The following DNAH17 variants were observed in gnomAD, a reference collection of about 807,000 sequenced individuals.
DNAH17 encodes axonemal beta dynein heavy chain 17.
In DNAH17, 376 loss-of-function variants were observed where a neutral mutation model predicts 485.6. The observed-to-expected ratio is 0.77, with a 90% CI of 0.71 to 0.84. The LOEUF (loss-of-function observed/expected upper bound fraction) is 0.84, where lower values mean the gene tolerates loss of function less well. DNAH17 is among the 40% of genes least tolerant of loss of function. The probability of loss-of-function intolerance (pLI) is 0.00; values close to 1 mark genes in which losing one functional copy is unlikely to be tolerated. For missense variants in DNAH17, 6,370 were observed against 5,839.3 expected (o/e 1.09, Z -2.96); for synonymous variants, 3,031 against 2,405.9 (o/e 1.26, Z -7.60).
At chr17:78,559,324 A>C (rs915194586) in intron 13 of DNAH17, among the ~76,000 whole-genome samples, 2 of 152,218 alleles carry the variant, frequency 1.3e-5, no homozygotes, top group African/African-American at 4.8e-5. Flanking sequence ...ACAAGGCTAA[A>C]GCACAGCAGC....
chr17:78,430,196 C>T (rs769389096), intron 75 of DNAH17, among the ~76,000 whole-genome samples: 60 of 152,254 alleles, frequency 3.9e-4, no homozygotes, highest in Non-Finnish European at 7.6e-4. Flanking sequence ...CCTCTTTCTC[C>T]TGCACAGCGC....
At chr17:78,532,135 T>C (rs1379329584) in intron 20 of DNAH17, among the ~76,000 whole-genome samples, 3 of 152,188 alleles carry the variant, frequency 2.0e-5, no homozygotes, top group African/African-American at 7.2e-5. Flanking sequence ...TAGAGCCTGC[T>C]GAAATTATTC....
chr17:78,494,110 C>A lies in DNAH17; in HGVS notation c.6334G>T (p.Val2112Leu). The change falls in exon 41 of 81, where the codon GTG becomes TTG. Residue 2112 changes from valine (V) to leucine (L), a missense_variant. Val to Leu is a conservative substitution (Grantham distance 32, BLOSUM62 1). Coordinates refer to ENST00000389840, the MANE Select transcript of DNAH17 (RefSeq NM_173628.4). The part of the protein sequence containing the change: ...QAEDSFVLKV[V>L]QLEELLQVRH... ...ACCTGCAGCAGCTCCTCCAGCTGCACCACCTTCAGCACGAAGCTGTCCTCC... is the reference window on the plus strand; with the variant it reads ...ACCTGCAGCAGCTCCTCCAGCTGCAACACCTTCAGCACGAAGCTGTCCTCC... The A allele has an allele frequency of 1.2e-6, 2 of 1,612,826 alleles. No homozygotes were observed. The highest frequency in any genetic ancestry group is 1.7e-6 in the Non-Finnish European group (2 of 1,179,820).
chr17:78,459,894 G>A lies in DNAH17; in HGVS notation c.9543C>T (p.Asp3181=), dbSNP rs2289755. 1,022 of 1,614,024 alleles carry A rather than the reference G, an allele frequency of 6.3e-4. 26 individuals carry two copies. The East Asian group carries it at 0.022, about 35-fold the overall frequency. The stretch of plus-strand genomic sequence containing the variant: ...TGATCTTGGCCGCCTTCCAGCTCTT[G>A]TCCTTGGGGATCTTGCCCCCAGGTG... ...LTAPGGKIPK[D]KSWKAAKIMM... The change falls in exon 60 of 81, where the codon GAC becomes GAT. Residue 3181 remains aspartate, a synonymous_variant. Coordinates refer to ENST00000389840, the MANE Select transcript of DNAH17 (RefSeq NM_173628.4).
At chr17:78,454,439 G>C (rs1284841297) in intron 64 of DNAH17, 31 bp downstream of exon 64, 1 of 1,572,662 alleles carries the variant, frequency 6.4e-7, no homozygotes, top group Middle Eastern at 1.7e-4. Flanking sequence ...GCAGAGCCGG[G>C]CTTCGGCCCA....
chr17:78,561,075 A>T, intron 12 of DNAH17, 140 bp from the exon 13 acceptor site: 1 of 786,680 alleles, frequency 1.3e-6, no homozygotes, highest in East Asian at 2.7e-5. Context: ...CTGAATATGC[A>T]AACAAGCAGT....
At position 78,505,416 on chromosome 17, in the gene DNAH17, A is replaced by G. The variant is rs372452778; in HGVS notation, c.4833T>C (p.Asp1611=). ...EVSRHLSKLF[D]SLCKLKFRLD... Reference sequence around the variant, plus strand: ...GCCGGAACTTCAGTTTACACAGGCTATCGAAGAGTTTGGACAGGTGGCGGC... The same window carrying G: ...GCCGGAACTTCAGTTTACACAGGCTGTCGAAGAGTTTGGACAGGTGGCGGC... Residue 1611 remains aspartate, a synonymous_variant, in exon 31 of 81, where the codon GAT becomes GAC. Coordinates refer to ENST00000389840, the MANE Select transcript of DNAH17 (RefSeq NM_173628.4). The G allele has an allele frequency of 1.2e-6, 2 of 1,613,896 alleles. No individual in the cohort carries two copies. The highest frequency in any genetic ancestry group is 2.7e-5 in the African/African-American group (2 of 74,944).
At chr17:78,425,219 G>GCA (rs2086386891) in intron 80 of DNAH17, 127 bp downstream of exon 80, 5 of 897,726 alleles carry the variant, frequency 5.6e-6, no homozygotes, top group Non-Finnish European at 8.5e-6. Flanking sequence ...CCCCCTGAGA[G>GCA]CACCTCTCTC....
intron 25 of DNAH17, among the ~76,000 whole-genome samples, chr17:78,521,854 G>A (rs2090942862): frequency 6.6e-6 from 1 of 152,116 alleles, no homozygotes; most frequent in Non-Finnish European, 1.5e-5. Context: ...AAGTGTGGTG[G>A]CGTGCGCCTG....
intron 48 of DNAH17, 87 bp downstream of exon 48, chr17:78,484,781 G>T: frequency 5.1e-6 from 4 of 787,348 alleles, no homozygotes; most frequent in South Asian, 2.7e-5. Context: ...TACTGCCCTG[G>T]GGCTCCGCCT....
In DNAH17 at chr17:78,444,837, T is replaced by C. The variant is rs573906506; in HGVS notation, c.11335-40A>G. 10 of 1,526,862 alleles carry C rather than the reference T, an allele frequency of 6.5e-6. No homozygotes were observed. The East Asian group carries it at 2.3e-4, about 35-fold the overall frequency. The allele number at this position is 1,526,862 out of a possible 1,614,324, so 94.6% of individuals were successfully genotyped here. A position where few individuals can be genotyped will look rare whatever the true frequency, so the allele number is the denominator to read the frequency against. On this transcript the variant is annotated intron_variant, in intron 70 of 80. Transcript: ENST00000389840. ...AGCGGGCCCTGTGACTCTTCCCACT[T>C]ACCCGGGTCCCGAGAGCCTTCCTGT...
chr17:78,461,683 G>T lies in DNAH17; in HGVS notation c.9200C>A (p.Ala3067Glu), dbSNP rs375429414. The T allele has an allele frequency of 9.2e-5, 148 of 1,608,674 alleles. 1 individual carries two copies. The highest frequency in any genetic ancestry group is 8.2e-4 in the Middle Eastern group (5 of 6,062). Reference protein sequence around the residue: ...SQVDDLKAKLAIQEAELKQKN... With the variant: ...SQVDDLKAKLEIQEAELKQKN... Reference sequence around the variant, plus strand: ...CTGCTTGAGCTCAGCCTCCTGAATCGCCAACTTGGCTTTCAAATCATCCAC... The same window carrying T: ...CTGCTTGAGCTCAGCCTCCTGAATCTCCAACTTGGCTTTCAAATCATCCAC... Residue 3067 changes from alanine to glutamate, a missense_variant, in exon 58 of 81, where the codon GCG becomes GAG. By Grantham distance (107) the Ala-to-Glu change is moderately radical (BLOSUM62 -1). Transcript: ENST00000389840.
chr17:78,525,424 C>G (rs1028945332), intron 24 of DNAH17, among the ~76,000 whole-genome samples: 1 of 152,368 alleles, frequency 6.6e-6, no homozygotes, highest in Admixed American at 6.5e-5. Flanking sequence ...TGGTAAATGC[C>G]TCATTTCCTC....
chr17:78,551,779 T>C, intron 15 of DNAH17, 141 bp from the exon 16 acceptor site: 2 of 696,056 alleles, frequency 2.9e-6, no homozygotes, highest in Middle Eastern at 2.7e-4. Flanking sequence ...CTGGGCAACA[T>C]GGTGAAACCC....
intron 79 of DNAH17, 114 bp from the exon 80 acceptor site, chr17:78,425,685 G>A (rs376369376): frequency 1.1e-4 from 99 of 929,392 alleles, no homozygotes; most frequent in Middle Eastern, 6.9e-4. Flanking sequence ...GCCACTCAGC[G>A]AGCTAGAAGT....
intron 48 of DNAH17, among the ~76,000 whole-genome samples, chr17:78,481,404 A>C (rs1474796139): frequency 6.6e-6 from 1 of 152,140 alleles, no homozygotes; most frequent in Admixed American, 6.6e-5. Flanking sequence ...AACCCTCCAC[A>C]GATACTGATA....
chr17:78,545,613 G>A lies in DNAH17; in HGVS notation c.2392-1616C>T, dbSNP rs60591136. 7.0e-3 allele frequency among the ~76,000 whole-genome samples: 1,063 copies of A among 152,192 alleles called. 33 individuals are homozygous for A. The East Asian group carries it at 0.073, about 10-fold the overall frequency. ...GTTCTGATTGCCTCCCCAGGGCCAC[G>A]TCTCCAAGACCCATCACAGCAGGGA... is the stretch of plus-strand genomic sequence containing the variant. On this transcript the variant is annotated intron_variant, in intron 16 of 80. Transcript: ENST00000389840.
At chr17:78,428,452 G>A (rs769980923) in intron 77 of DNAH17, 73 bp downstream of exon 77, 3 of 1,526,492 alleles carry the variant, frequency 2.0e-6, no homozygotes, top group Non-Finnish European at 2.7e-6. Context: ...ACTGCCGCCA[G>A]TCCCTGTGAC....
rs980758411 is a variant in DNAH17, at chr17:78,462,885, G to C, written c.9133C>G (p.Leu3045Val). ...TGCAGCTTCATCAGGCCGTTCTCCA[G>C]CCTCTCGATTTTGGCAACAAGTTCC... ...RTELVAKIER[L>V]ENGLMKLQST... The change falls in exon 57 of 81, where the codon CTG becomes GTG. Residue 3045 changes from leucine to valine, a missense_variant. By Grantham distance (32) the Leu-to-Val change is conservative. Transcript: ENST00000389840. The C allele has an allele frequency of 1.2e-6, 2 of 1,613,970 alleles. No individual in the cohort carries two copies. Among genetic ancestry groups the C allele is most frequent in the Non-Finnish European group, 1.7e-6 (2 of 1,179,882 alleles).
Sources: allele counts gnomAD v4.1 joint callset (sites outside exome capture counted in the v4.1 genomes callset), GRCh38; gene constraint gnomAD v4.1.1; transcripts MANE v1.5; gene names NCBI Gene and HGNC (gene_info 2026-07-23, HGNC 2026-07-21).